The following MYO10 variants were observed in gnomAD, a reference collection of about 807,000 sequenced individuals.
The protein encoded by MYO10 is unconventional myosin-X.
MYO10 carries 133 observed loss-of-function variants against 257.3 expected under a neutral mutation model. The observed-to-expected ratio is 0.52, with a 90% CI of 0.45 to 0.60. The LOEUF (loss-of-function observed/expected upper bound fraction) is 0.60, where lower values mean the gene tolerates loss of function less well. MYO10 is among the 20% of genes least tolerant of loss of function. The probability of loss-of-function intolerance (pLI) is 0.00; values close to 1 mark genes in which losing one functional copy is unlikely to be tolerated. For missense variants in MYO10, 2,399 were observed against 2,635.7 expected, an observed-to-expected ratio of 0.91 and a Z score of 1.97; for synonymous variants, 1,104 against 1,028.6, an observed-to-expected ratio of 1.07 and a Z score of -1.40.
At position 16,877,640 on chromosome 5, in the gene MYO10, C is replaced by T. The variant is rs949201113; in HGVS notation, c.89G>A (p.Gly30Asp). 5.0e-6 allele frequency: 8 copies of T among 1,613,650 alleles called. No homozygotes were observed. In the African/African-American group the frequency reaches 9.3e-5, roughly 19 times the overall value. The change falls in exon 2 of 41, where the codon GGC (glycine) becomes GAC (aspartate). Residue 30 changes from glycine (G) to aspartate (D), a missense_variant. Gly to Asp is a moderately conservative substitution (Grantham distance 94). This residue lies in a region of MYO10 where 242 missense variants were observed against 249.5 expected (regional missense o/e 0.97). Transcript: ENST00000513610. ...ATAGTCTGTCCGGAAGACGACGATG[C>T]CTTCTGCACAGGAATTTACAGTACT... ...FPSTVNSCAEGIVVFRTDYGQ... is the reference protein window; with the variant it reads ...FPSTVNSCAEDIVVFRTDYGQ...
At chr5:16,806,277 T>G (rs1299887759) in intron 3 of MYO10, among the ~76,000 whole-genome samples, 6 of 147,238 alleles carry the variant, frequency 4.1e-5, no homozygotes, top group Non-Finnish European at 3.0e-5. Context: ...GAGGTGGAGG[T>G]TGCAGTGAGC....
In MYO10 at chr5:16,662,284, C is replaced by G. The variant is rs552670328; in HGVS notation, c.*4408G>C. ...GCTATCTGAATAAAAGGCTTAGTAA[C>G]TAAAAAAAGTGCTGTCTTAGATTTC... On this transcript the variant is annotated 3_prime_UTR_variant, in exon 41 of 41. Transcript: ENST00000513610. 4 of 133,398 alleles carry G rather than the reference C, an allele frequency of 3.0e-5. No homozygotes were observed. In the East Asian group the frequency reaches 9.7e-4, roughly 32 times the overall value. The allele number at this position is 133,398 out of a possible 1,614,324, so 8.3% of individuals were successfully genotyped here.
At chr5:16,805,027 T>C (rs1742230367) in intron 3 of MYO10, among the ~76,000 whole-genome samples, 1 of 152,240 alleles carries the variant, frequency 6.6e-6, no homozygotes, top group South Asian at 2.1e-4. Context: ...TGGATGACTT[T>C]GTCACTGAAG....
chr5:16,666,892 G>T, intron 40 of MYO10, 99 bp from the exon 41 acceptor site: 1 of 955,024 alleles, frequency 1.0e-6, no homozygotes, highest in Non-Finnish European at 1.6e-6. Flanking sequence ...CCCTCCCGTA[G>T]CCTTCCATGC....
chr5:16,742,270 A>G lies in MYO10; in HGVS notation c.1929+12558T>C, dbSNP rs1008382973. 9 of 983,404 alleles carry G rather than the reference A, an allele frequency of 9.2e-6. No individual in the cohort carries two copies. The South Asian group carries it at 1.9e-4, about 21-fold the overall frequency. 60.9% of individuals were successfully genotyped at this position (983,404 alleles called of 1,614,324 possible). The stretch of plus-strand genomic sequence containing the variant: ...CGCTGCAATTTATCCTGATCTCTAC[A>G]GAGCTCTGATGAATAGTTTCCATGA... On this transcript the variant is annotated intron_variant, in intron 19 of 40. Coordinates refer to ENST00000513610, the MANE Select transcript of MYO10 (RefSeq NM_012334.3).
At chr5:16,725,733 G>T (rs1739337740) in intron 19 of MYO10, among the ~76,000 whole-genome samples, 1 of 151,696 alleles carries the variant, frequency 6.6e-6, no homozygotes, top group Non-Finnish European at 1.5e-5. Context: ...AATGTTGTGT[G>T]ACCTGAGTCA....
intron 8 of MYO10, 25 bp from the exon 9 acceptor site, chr5:16,779,673 T>C (rs1376941310): frequency 7.4e-7 from 1 of 1,346,612 alleles, no homozygotes; most frequent in South Asian, 1.3e-5. Flanking sequence ...AAACATGATG[T>C]CACAGTTCTC....
intron 11 of MYO10, among the ~76,000 whole-genome samples, chr5:16,765,824 A>G (rs1198988804): frequency 6.6e-6 from 1 of 152,222 alleles, no homozygotes; most frequent in East Asian, 1.9e-4. Flanking sequence ...GTTCAAAGTC[A>G]GGCAATCTGC....
rs773401426 is a variant in MYO10 at position 16,704,638 on chromosome 5, T to C, written c.2217A>G (p.Glu739=). 4 of 1,613,766 alleles carry C rather than the reference T, an allele frequency of 2.5e-6. No individual in the cohort carries two copies. The highest frequency in any genetic ancestry group is 2.7e-5 in the African/African-American group (2 of 74,902). The change falls in exon 22 of 41, where the codon GAA becomes GAG. Residue 739 remains glutamate (E), a synonymous_variant. Transcript: ENST00000513610. ...SLEQKLEKRR[E]EEVSHAAMVI... is the part of the protein sequence containing the mutation. ...CCATGGCCGCGTGGCTCACTTCCTC[T>C]TCCCTCCGCTTCTCCAGTTTCTGTT...
intron 2 of MYO10, among the ~76,000 whole-genome samples, chr5:16,869,053 C>G (rs1744370652): frequency 6.6e-6 from 1 of 152,120 alleles, no homozygotes; most frequent in Non-Finnish European, 1.5e-5. Context: ...CAGACAGAGT[C>G]TCGCTCTGTC....
chr5:16,892,841 A>G (rs978589678), intron 1 of MYO10, among the ~76,000 whole-genome samples: 1 of 152,054 alleles, frequency 6.6e-6, no homozygotes, highest in Non-Finnish European at 1.5e-5. Flanking sequence ...CCAACGCACC[A>G]CAGTTTCTCC....
At chr5:16,867,477 A>G (rs893492942) in intron 2 of MYO10, among the ~76,000 whole-genome samples, 4 of 152,080 alleles carry the variant, frequency 2.6e-5, no homozygotes, top group Non-Finnish European at 5.9e-5. Flanking sequence ...GGGCAAAGGG[A>G]AGGGGAGGGG....
chr5:16,891,049 G>C (rs772659659), intron 1 of MYO10, among the ~76,000 whole-genome samples: 2 of 151,676 alleles, frequency 1.3e-5, no homozygotes, highest in Non-Finnish European at 2.9e-5. Context: ...TTGGGAGGCC[G>C]ATACAGGCGG....
At chr5:16,744,453 C>T (rs1740116587) in intron 19 of MYO10, among the ~76,000 whole-genome samples, 1 of 152,144 alleles carries the variant, frequency 6.6e-6, no homozygotes, top group Non-Finnish European at 1.5e-5. Flanking sequence ...CTTCATGGCT[C>T]CTCTGCACCT....
At chr5:16,929,376 C>A (rs1385873867) in intron 1 of MYO10, among the ~76,000 whole-genome samples, 2 of 152,176 alleles carry the variant, frequency 1.3e-5, no homozygotes, top group Non-Finnish European at 2.9e-5. Flanking sequence ...CATTTAATAA[C>A]TGCCCACTTT....
Position 16,816,553 on chromosome 5 carries a change from A to G in MYO10, c.279+1456T>C, listed in dbSNP as rs1437785083. 5.0e-5 allele frequency among the ~76,000 whole-genome samples: 7 copies of G among 140,978 alleles called. No individual in the cohort carries two copies. In the Admixed American group the frequency reaches 5.0e-4, roughly 10 times the overall value. 92.5% of individuals were successfully genotyped at this position (140,978 alleles called of 152,430 possible). On this transcript the variant is annotated intron_variant, in intron 3 of 40. Coordinates refer to ENST00000513610, the MANE Select transcript of MYO10 (RefSeq NM_012334.3). ...CTGATTTTTCTTTTTTTTTTTTTTGAGATGGAGTCTTGCTGTCGCCTGGTT... is the reference window on the plus strand; with the variant it reads ...CTGATTTTTCTTTTTTTTTTTTTTGGGATGGAGTCTTGCTGTCGCCTGGTT...
At chr5:16,778,625 T>C (rs1449701480) in intron 9 of MYO10, among the ~76,000 whole-genome samples, 6 of 150,494 alleles carry the variant, frequency 4.0e-5, no homozygotes, top group African/African-American at 1.5e-4. Context: ...GCTCCTGTAG[T>C]GACCTGGAAA....
At chr5:16,877,210 C>T (rs545428243) in intron 2 of MYO10, among the ~76,000 whole-genome samples, 9 of 152,136 alleles carry the variant, frequency 5.9e-5, no homozygotes, top group South Asian at 2.1e-4. Context: ...TAAGACACTA[C>T]GAAAGTTTAA....
chr5:16,847,021 G>A (rs111745262), intron 2 of MYO10, among the ~76,000 whole-genome samples: 2 of 152,068 alleles, frequency 1.3e-5, no homozygotes, highest in Non-Finnish European at 2.9e-5. Flanking sequence ...GGGAGGTTAC[G>A]GCACAAGAAT....
Sources: gnomAD v4.1 joint callset for allele counts (sites outside exome capture counted in the v4.1 genomes callset) on GRCh38, gnomAD v4.1.1 for gene constraint, gnomAD v4.1.1 regional missense constraint, MANE v1.5 for transcripts, NCBI Gene and HGNC (gene_info 2026-07-23, HGNC 2026-07-21) for gene names.